Variants in RASEF observed in about 807,000 individuals in gnomAD.
RASEF encodes the protein RAS and EF-hand domain containing.
RASEF carries 68 observed loss-of-function variants against 90.1 expected under a neutral mutation model. The observed-to-expected ratio is 0.75, with a 90% CI of 0.62 to 0.92. The LOEUF is 0.92. Among genes scored for constraint, RASEF ranks in the 40% least tolerant of loss-of-function variants. RASEF has a pLI of 0.00. For missense variants in RASEF, 949 were observed against 937.2 expected (o/e 1.01, Z -0.16); for synonymous variants, 331 against 345.2 (o/e 0.96, Z 0.46).
the RASEF span, among the ~76,000 whole-genome samples, chr9:83,180,882 C>T: frequency 6.6e-6 from 1 of 151,274 alleles, no homozygotes; most frequent in Admixed American, 6.6e-5. Flanking sequence ...GCTTTAGCTA[C>T]GTTAAAAAAA....
chr9:83,055,945 AG>A (rs1183878448), intron 1 of RASEF, among the ~76,000 whole-genome samples: 1 of 152,184 alleles, frequency 6.6e-6, no homozygotes, highest in Non-Finnish European at 1.5e-5. Context: ...CAGGTCCTTC[AG>A]GTGTTAGAAA....
chr9:82,980,428 C>T lies in RASEF; in HGVS notation c.*2249G>A. On this transcript the variant is annotated 3_prime_UTR_variant, in exon 17 of 17. Coordinates refer to ENST00000376447, the MANE Select transcript of RASEF (RefSeq NM_152573.4). Reference sequence around the variant, plus strand: ...TGTTACCAAAATATTTATCAGGGCTCAAATACTTAAAGATGATTGGTTGAC... The same window carrying T: ...TGTTACCAAAATATTTATCAGGGCTTAAATACTTAAAGATGATTGGTTGAC... 6.7e-6 allele frequency: 1 copy of T among 150,354 alleles called. No homozygotes were observed. Among genetic ancestry groups the T allele is most frequent in the Admixed American group, 6.7e-5 (1 of 15,030 alleles). The allele number at this position is 150,354 out of a possible 1,614,324, so 9.3% of individuals were successfully genotyped here. A position where few individuals can be genotyped will look rare whatever the true frequency, so the allele number is the denominator to read the frequency against.
chr9:83,208,694 C>T, the RASEF span, among the ~76,000 whole-genome samples: 101 of 152,222 alleles, frequency 6.6e-4, no homozygotes, highest in African/African-American at 2.2e-3. Context: ...CCCACAAGAC[C>T]GATAGCCAGG....
chr9:83,028,708 G>A (rs1292629009), intron 1 of RASEF, among the ~76,000 whole-genome samples: 1 of 152,086 alleles, frequency 6.6e-6, no homozygotes, highest in African/African-American at 2.4e-5. Context: ...CCATATTCCT[G>A]GTAATGTGTA....
Position 83,025,822 on chromosome 9 carries a change from G to C in RASEF, c.531C>G (p.Ile177Met), listed in dbSNP as rs370742357. 2.8e-5 allele frequency: 46 copies of C among 1,614,040 alleles called. No individual in the cohort carries two copies. In the African/African-American group the frequency reaches 5.2e-4, roughly 18 times the overall value. The change falls in exon 2 of 17, where the codon ATC becomes ATG. Residue 177 changes from isoleucine (I) to methionine (M), a missense_variant. Ile to Met is a conservative substitution (Grantham distance 10). Around this residue, in one of 3 missense-constraint regions of RASEF, gnomAD observed 656 missense variants for 592.2 expected, o/e 1.11. Coordinates refer to ENST00000376447, the MANE Select transcript of RASEF (RefSeq NM_152573.4). ...TTTCCATTTCTGTGCTTTGAAGTCT[G>C]ATCTCACGGATGAAGTTCTTTATAA... ...EHVIKNFIRE[I>M]RLQSTEMENL...
chr9:82,991,466 C>T (rs1314328087), intron 15 of RASEF, among the ~76,000 whole-genome samples: 1 of 152,132 alleles, frequency 6.6e-6, no homozygotes, highest in Non-Finnish European at 1.5e-5. Flanking sequence ...TAAAGGAGAA[C>T]TAAGTGTTGT....
intron 1 of RASEF, among the ~76,000 whole-genome samples, chr9:83,036,004 T>A (rs921942622): frequency 7.2e-5 from 11 of 152,236 alleles, no homozygotes; most frequent in African/African-American, 2.7e-4. Context: ...ATTAAAACAA[T>A]CCAGGGTGAA....
At chr9:83,196,071 G>A in the RASEF span, among the ~76,000 whole-genome samples, 1 of 152,086 alleles carries the variant, frequency 6.6e-6, no homozygotes, top group Non-Finnish European at 1.5e-5. Context: ...TGTTTCGCCT[G>A]AGTGACTGGC....
the RASEF span, among the ~76,000 whole-genome samples, chr9:83,114,786 C>T: frequency 9.2e-3 from 1,400 of 152,252 alleles, 18 homozygotes; most frequent in African/African-American, 0.032. Context: ...TCAAACCCTG[C>T]CTCCTAATAA....
At chr9:83,077,190 C>T in the RASEF span, among the ~76,000 whole-genome samples, 1 of 152,122 alleles carries the variant, frequency 6.6e-6, no homozygotes, top group Non-Finnish European at 1.5e-5. Flanking sequence ...CAGGCTTCCT[C>T]TTCACTTTAT....
the RASEF span, among the ~76,000 whole-genome samples, chr9:83,069,344 C>T: frequency 6.6e-6 from 1 of 152,154 alleles, no homozygotes; most frequent in South Asian, 2.1e-4. Context: ...CAACTGCAGA[C>T]CCCAGGTCAC....
At chr9:83,007,384 A>C in intron 7 of RASEF, 53 bp downstream of exon 7, 1 of 1,389,528 alleles carries the variant, frequency 7.2e-7, no homozygotes, top group East Asian at 2.3e-5. Context: ...TCTTTTATTA[A>C]CTAAAAAACA....
the RASEF span, among the ~76,000 whole-genome samples, chr9:83,176,284 G>A: frequency 6.6e-6 from 1 of 151,970 alleles, no homozygotes; most frequent in African/African-American, 2.4e-5. Context: ...TTTAATATCT[G>A]TTTGTCTCAT....
chr9:83,095,845 C>T, the RASEF span, among the ~76,000 whole-genome samples: 1 of 152,158 alleles, frequency 6.6e-6, no homozygotes, highest in South Asian at 2.1e-4. Flanking sequence ...TTCATGATCC[C>T]TTTTCTTAGA....
At position 83,062,530 on chromosome 9, in the gene RASEF, G is replaced by C; in HGVS notation, c.338C>G (p.Ala113Gly). 6.2e-7 allele frequency: 1 copy of C among 1,607,712 alleles called. No homozygotes were observed. Among genetic ancestry groups the C allele is most frequent in the East Asian group, 2.2e-5 (1 of 44,702 alleles). The part of the protein sequence containing the change: ...EEDEGDEDAA[A>G]ALATSCGPAS... ...CGGGCCGCACGAGGTGGCCAGCGCCGCCGCCGCGTCCTCGTCGCCTTCGTC... is the reference window on the plus strand; with the variant it reads ...CGGGCCGCACGAGGTGGCCAGCGCCCCCGCCGCGTCCTCGTCGCCTTCGTC... Residue 113 changes from alanine to glycine, a missense_variant, in exon 1 of 17, where the codon GCG becomes GGG. Physicochemically the swap from Ala to Gly is moderately conservative, Grantham distance 60 (BLOSUM62 0). This residue lies in a region of RASEF where 656 missense variants were observed against 592.2 expected (regional missense o/e 1.11). Transcript: ENST00000376447.
intron 7 of RASEF, 50 bp from the exon 8 acceptor site, chr9:83,005,550 G>C (rs751069749): frequency 3.8e-6 from 5 of 1,323,236 alleles, no homozygotes; most frequent in South Asian, 2.4e-5. Context: ...AGTATCATTG[G>C]GGGTCACTGT....
the RASEF span, among the ~76,000 whole-genome samples, chr9:83,123,471 C>G: frequency 1.3e-5 from 2 of 152,112 alleles, no homozygotes; most frequent in Admixed American, 6.5e-5. Flanking sequence ...ATTGCCCATG[C>G]CTCATATAGC....
intron 1 of RASEF, among the ~76,000 whole-genome samples, chr9:83,042,078 C>T (rs1023239149): frequency 4.6e-5 from 7 of 152,004 alleles, no homozygotes; most frequent in African/African-American, 1.7e-4. Context: ...TTTTTTTATC[C>T]CAAACCTTTA....
At chr9:82,984,542 A>C (rs1587472165) in intron 16 of RASEF, among the ~76,000 whole-genome samples, 2 of 152,308 alleles carry the variant, frequency 1.3e-5, no homozygotes, top group Non-Finnish European at 2.9e-5. Flanking sequence ...TATACCCCAG[A>C]CACACACACC....
Sources: gnomAD v4.1 joint callset for allele counts (sites outside exome capture counted in the v4.1 genomes callset) on GRCh38, gnomAD v4.1.1 for gene constraint, gnomAD v4.1.1 regional missense constraint, MANE v1.5 for transcripts, NCBI Gene and HGNC (gene_info 2026-07-23, HGNC 2026-07-21) for gene names.